Variants in KCNH8 observed in about 807,000 individuals in gnomAD.
KCNH8 encodes potassium voltage-gated channel subfamily H member 8, also known as voltage-gated delayed rectifier potassium channel KCNH8.
KCNH8 carries 70 observed loss-of-function variants against 103.6 expected under a neutral mutation model. The observed-to-expected ratio is 0.68, with a 90% CI of 0.56 to 0.82. The LOEUF (loss-of-function observed/expected upper bound fraction) is 0.82, where lower values mean the gene tolerates loss of function less well. KCNH8 is among the 40% of genes least tolerant of loss of function. The probability of loss-of-function intolerance (pLI) is 0.00; values close to 1 mark genes in which losing one functional copy is unlikely to be tolerated. For synonymous variants in KCNH8, 498 were observed against 489.4 expected (o/e 1.02, Z -0.23); for missense variants, 1,217 against 1,329.9 (o/e 0.92, Z 1.32).
chr3:19,170,613 T>TATATATATATATAC (rs537607586), intron 1 of KCNH8, among the ~76,000 whole-genome samples: 8 of 143,204 alleles, frequency 5.6e-5, no homozygotes, highest in African/African-American at 2.1e-4. Context: ...TATATATGTA[T>TATATATATATATAC]ACACACACAT....
At chr3:19,170,576 T>G (rs2125193225) in intron 1 of KCNH8, among the ~76,000 whole-genome samples, 1 of 139,568 alleles carries the variant, frequency 7.2e-6, no homozygotes, top group African/African-American at 2.9e-5. Context: ...CCCCACTTCT[T>G]GGGGCATCTA....
intron 11 of KCNH8, 125 bp from the exon 12 acceptor site, chr3:19,510,238 C>T (rs2068760483): frequency 2.9e-6 from 2 of 679,752 alleles, no homozygotes; most frequent in Admixed American, 2.2e-5. Flanking sequence ...ATCCACACCC[C>T]TTCCTGTGCT....
chr3:19,238,022 G>A (rs1356593050), intron 1 of KCNH8, among the ~76,000 whole-genome samples: 1 of 152,290 alleles, frequency 6.6e-6, no homozygotes, highest in Middle Eastern at 3.4e-3. Context: ...TTCAGGGCTT[G>A]TGGGGGACAC....
intron 11 of KCNH8, among the ~76,000 whole-genome samples, chr3:19,469,642 TA>T (rs1185769835): frequency 6.6e-6 from 1 of 152,152 alleles, no homozygotes; most frequent in East Asian, 1.9e-4. Flanking sequence ...TGTCTTTCAG[TA>T]GATTCAGAAG....
intron 7 of KCNH8, among the ~76,000 whole-genome samples, chr3:19,401,095 G>C (rs2066606863): frequency 6.6e-6 from 1 of 151,920 alleles, no homozygotes; most frequent in African/African-American, 2.4e-5. Context: ...AGTACCTTAA[G>C]CCTTAATGTG....
intron 3 of KCNH8, among the ~76,000 whole-genome samples, chr3:19,316,562 A>G (rs1172952159): frequency 6.6e-6 from 1 of 151,978 alleles, no homozygotes; most frequent in Non-Finnish European, 1.5e-5. Context: ...GAAACCTAAC[A>G]TTTAGAAATA....
chr3:19,265,388 G>A (rs2064494788), intron 2 of KCNH8, among the ~76,000 whole-genome samples: 1 of 152,052 alleles, frequency 6.6e-6, no homozygotes, highest in Admixed American at 6.6e-5. Flanking sequence ...TGAAAGCATG[G>A]GGCCCTTCTA....
chr3:19,176,910 A>G (rs2063405420), intron 1 of KCNH8, among the ~76,000 whole-genome samples: 1 of 152,168 alleles, frequency 6.6e-6, no homozygotes, highest in Non-Finnish European at 1.5e-5. Context: ...CAATCAATAC[A>G]TAACCTTGTT....
intron 5 of KCNH8, among the ~76,000 whole-genome samples, chr3:19,366,347 A>T (rs2066010619): frequency 6.6e-6 from 1 of 152,088 alleles, no homozygotes; most frequent in Non-Finnish European, 1.5e-5. Flanking sequence ...TGAATGTTTA[A>T]ATTTGAAATA....
At chr3:19,488,664 T>C (rs953507758) in intron 11 of KCNH8, among the ~76,000 whole-genome samples, 1 of 152,192 alleles carries the variant, frequency 6.6e-6, no homozygotes, top group Non-Finnish European at 1.5e-5. Flanking sequence ...TTTAGACCTT[T>C]TATCAATGCC....
intron 1 of KCNH8, among the ~76,000 whole-genome samples, chr3:19,211,910 G>A (rs891669098): frequency 3.3e-5 from 5 of 152,174 alleles, no homozygotes; most frequent in African/African-American, 1.2e-4. Flanking sequence ...GACAAAATGT[G>A]TTTGGGTGGT....
chr3:19,356,889 T>A (rs1197614285), intron 5 of KCNH8, among the ~76,000 whole-genome samples: 1 of 151,896 alleles, frequency 6.6e-6, no homozygotes, highest in Non-Finnish European at 1.5e-5. Context: ...GACCACCTCC[T>A]TTTCTTTCTT....
chr3:19,155,305 C>T (rs1341316219), intron 1 of KCNH8, among the ~76,000 whole-genome samples: 1 of 152,118 alleles, frequency 6.6e-6, no homozygotes, highest in Non-Finnish European at 1.5e-5. Context: ...TATTTTACTG[C>T]AGAAATGCCC....
chr3:19,186,499 C>A (rs2063504047), intron 1 of KCNH8, among the ~76,000 whole-genome samples: 1 of 151,888 alleles, frequency 6.6e-6, no homozygotes, highest in South Asian at 2.1e-4. Flanking sequence ...AAGGGCAGAG[C>A]ATAAACAGAT....
chr3:19,201,379 T>C (rs1005463865), intron 1 of KCNH8, among the ~76,000 whole-genome samples: 2 of 151,934 alleles, frequency 1.3e-5, no homozygotes, highest in Non-Finnish European at 2.9e-5. Context: ...TTTCTAACAT[T>C]CAAAATTTAA....
At chr3:19,456,728 GC>G (rs758486319) in intron 10 of KCNH8, 39 bp from the exon 11 acceptor site, 4 of 1,322,294 alleles carry the variant, frequency 3.0e-6, no homozygotes, top group Non-Finnish European at 4.3e-6. Context: ...TCCTAAGCTT[GC>G]TTTTTTTTTT....
intron 1 of KCNH8, among the ~76,000 whole-genome samples, chr3:19,233,201 C>T (rs865928986): frequency 1.3e-5 from 2 of 152,088 alleles, no homozygotes; most frequent in South Asian, 4.2e-4. Flanking sequence ...GAGTGGGTGC[C>T]AGTTTCAGGA....
At chr3:19,237,064 A>G (rs1166812294) in intron 1 of KCNH8, among the ~76,000 whole-genome samples, 1 of 152,236 alleles carries the variant, frequency 6.6e-6, no homozygotes, top group East Asian at 1.9e-4. Flanking sequence ...ATGGCAATAC[A>G]TGTTAATGCA....
At chr3:19,525,956 A>C (rs1051645094) in intron 15 of KCNH8, among the ~76,000 whole-genome samples, 1 of 152,008 alleles carries the variant, frequency 6.6e-6, no homozygotes, top group Admixed American at 6.6e-5. Context: ...TGCTTTGTAA[A>C]GCAAAAGACA....
Sources: gnomAD v4.1 joint callset for allele counts (sites outside exome capture counted in the v4.1 genomes callset) on GRCh38, gnomAD v4.1.1 for gene constraint, MANE v1.5 for transcripts, NCBI Gene and HGNC (gene_info 2026-07-23, HGNC 2026-07-21) for gene names.